The following ARHGAP11A variants were observed in gnomAD, a reference collection of about 807,000 sequenced individuals.
ARHGAP11A encodes the protein rho GTPase-activating protein 11A.
Under a neutral mutation model 60.5 loss-of-function variants are expected in ARHGAP11A, and 36 were observed. The ratio of observed to expected loss-of-function variants is 0.59; its 90% CI spans 0.46 to 0.79. ARHGAP11A has a LOEUF of 0.79. ARHGAP11A is among the 30% of genes least tolerant of loss of function. ARHGAP11A has a pLI of 0.00. For synonymous variants in ARHGAP11A, 362 were observed against 415.5 expected (o/e 0.87, Z 1.57); for missense variants, 1,071 against 1,199.2 (o/e 0.89, Z 1.58).
rs1455237998 is a variant in ARHGAP11A, at chr15:32,619,685, T to G, written c.130-423T>G. The stretch of plus-strand genomic sequence containing the variant: ...TTTTCAATTGACTTAGTCTTTTGTG[T>G]AAGTATTTATAAGGTGACCAAAAGA... On this transcript the variant is annotated intron_variant, in intron 1 of 11. Transcript: ENST00000361627. 2.6e-5 allele frequency among the ~76,000 whole-genome samples: 4 copies of G among 152,224 alleles called. No individual in the cohort carries two copies. In the South Asian group the frequency reaches 6.2e-4, roughly 24 times the overall value.
intron 8 of ARHGAP11A, 152 bp downstream of exon 8, chr15:32,629,914 CT>C: frequency 1.7e-6 from 1 of 588,414 alleles, no homozygotes; most frequent in Non-Finnish European, 2.8e-6. Context: ...AACCCCCTGC[CT>C]TTTAAAATAG....
chr15:32,625,565 A>C lies in ARHGAP11A; in HGVS notation c.794A>C (p.Glu265Ala), dbSNP rs1400087909. 6.2e-7 allele frequency: 1 copy of C among 1,613,870 alleles called. No individual in the cohort carries two copies. The highest frequency in any genetic ancestry group is 1.1e-5 in the South Asian group (1 of 91,064). The stretch of plus-strand genomic sequence containing the variant: ...GGTCTCTGTGCTACTCCATCACTGG[A>C]AGGCTTTGAAGAAGGTGAATATGAA... ...IDGLCATPSL[E>A]GFEEGEYETP... The change falls in exon 6 of 12, where the codon GAA becomes GCA. Residue 265 changes from glutamate to alanine, a missense_variant. Physicochemically the swap from Glu to Ala is moderately radical, Grantham distance 107. Transcript: ENST00000361627.
chr15:32,634,021 G>A lies in ARHGAP11A; in HGVS notation c.1324G>A (p.Gly442Arg), dbSNP rs1383920241. 6.2e-7 allele frequency: 1 copy of A among 1,604,472 alleles called. No homozygotes were observed. The highest frequency in any genetic ancestry group is 1.3e-5 in the African/African-American group (1 of 74,476). Residue 442 changes from glycine (G) to arginine (R), a missense_variant, in exon 10 of 12, where the codon GGG becomes AGG. Gly to Arg is a moderately radical substitution (Grantham distance 125). Coordinates refer to ENST00000361627, the MANE Select transcript of ARHGAP11A (RefSeq NM_014783.6). Reference protein sequence around the residue: ...RRSLRLKFNLGKNGREVNGCS... With the variant: ...RRSLRLKFNLRKNGREVNGCS... Reference sequence around the variant, plus strand: ...ATCTCTGCGTTTGAAATTCAATCTAGGGAAAAATGGCAGAGAAGTAGTAAG... The same window carrying A: ...ATCTCTGCGTTTGAAATTCAATCTAAGGAAAAATGGCAGAGAAGTAGTAAG...
chr15:32,632,229 A>T (rs1252658831), intron 8 of ARHGAP11A, among the ~76,000 whole-genome samples: 1 of 152,182 alleles, frequency 6.6e-6, no homozygotes, highest in African/African-American at 2.4e-5. Context: ...TGATTCAAAC[A>T]TAAATGTATA....
rs2053720484 is a variant in ARHGAP11A, at chr15:32,636,605, A to G, written c.1832A>G (p.His611Arg). 1 of 1,614,002 alleles carries G rather than the reference A, an allele frequency of 6.2e-7. No individual in the cohort carries two copies. ...TTTTCTGAATCTGGAAGTAATCTTC[A>G]CGCATTGATGAATCAGAGGCAGTCA... ...KAFSESGSNLHALMNQRQSSV... is the reference protein window; with the variant it reads ...KAFSESGSNLRALMNQRQSSV... The change falls in exon 12 of 12, where the codon CAC becomes CGC. Residue 611 changes from histidine to arginine, a missense_variant. Physicochemically the swap from His to Arg is conservative, Grantham distance 29. Transcript: ENST00000361627.
In ARHGAP11A at chr15:32,633,071, A is replaced by C; in HGVS notation, c.1198A>C (p.Arg400=). The change falls in exon 9 of 12, where the codon AGG becomes CGG. Residue 400 remains arginine, a synonymous_variant. Coordinates refer to ENST00000361627, the MANE Select transcript of ARHGAP11A (RefSeq NM_014783.6). ...CCATTTGATCACTGCAGGTGTGCCA[A>C]GGCGAAGTAAAAGAATTGCAGGCAA... ...GNHLITAGVP[R]RSKRIAGKKV... The C allele has an allele frequency of 1.9e-6, 3 of 1,614,140 alleles. No homozygotes were observed. Among genetic ancestry groups the C allele is most frequent in the Non-Finnish European group, 2.5e-6 (3 of 1,179,986 alleles).
At position 32,636,747 on chromosome 15, in the gene ARHGAP11A, T is replaced by G. The variant is rs1241236673; in HGVS notation, c.1974T>G (p.Tyr658Ter). The G allele has an allele frequency of 1.9e-6, 3 of 1,613,578 alleles. No homozygotes were observed. Among genetic ancestry groups the G allele is most frequent in the Non-Finnish European group, 2.5e-6 (3 of 1,179,950 alleles). Residue 658 changes from tyrosine (Y) to a stop codon, truncating the protein, a stop_gained, in exon 12 of 12, where the codon TAT becomes TAG. Coordinates refer to ENST00000361627, the MANE Select transcript of ARHGAP11A (RefSeq NM_014783.6). LOFTEE classifies it low-confidence loss of function (END_TRUNC). ...DLTIVESKEK[Y>*]EHHTGKGEKC... ...CTATAGTAGAATCAAAGGAGAAATA[T>G]GAACACCACACTGGTAAAGGTGAAA...
intron 6 of ARHGAP11A, among the ~76,000 whole-genome samples, chr15:32,628,231 T>C (rs2053510683): frequency 6.6e-6 from 1 of 152,248 alleles, no homozygotes; most frequent in South Asian, 2.1e-4. Context: ...AGGATTGCTC[T>C]AGCATACCTG....
At chr15:32,624,047 TA>T in intron 3 of ARHGAP11A, 125 bp from the exon 4 acceptor site, 2 of 649,532 alleles carry the variant, frequency 3.1e-6, no homozygotes, top group South Asian at 4.2e-5. Flanking sequence ...AGTAGTGACA[TA>T]TATTAAAATA....
At chr15:32,631,505 G>A (rs902028310) in intron 8 of ARHGAP11A, among the ~76,000 whole-genome samples, 3 of 152,056 alleles carry the variant, frequency 2.0e-5, no homozygotes, top group African/African-American at 7.2e-5. Flanking sequence ...TCACCACGTT[G>A]GCCAGGCTGG....
Position 32,620,295 on chromosome 15 carries a change from G to A in ARHGAP11A, c.200+117G>A, listed in dbSNP as rs572175926. Reference sequence around the variant, plus strand: ...AGTCCAGGAGCTTAAGACCAGCCTGGGCAACATGGTGAGACCTTGTCGCAA... The same window carrying A: ...AGTCCAGGAGCTTAAGACCAGCCTGAGCAACATGGTGAGACCTTGTCGCAA... On this transcript the variant is annotated intron_variant, in intron 2 of 11. Coordinates refer to ENST00000361627, the MANE Select transcript of ARHGAP11A (RefSeq NM_014783.6). 2.2e-5 allele frequency: 35 copies of A among 1,563,804 alleles called. No individual in the cohort carries two copies. The South Asian group carries it at 3.6e-4, about 16-fold the overall frequency.
At chr15:32,631,936 A>G (rs988020015) in intron 8 of ARHGAP11A, among the ~76,000 whole-genome samples, 1 of 152,166 alleles carries the variant, frequency 6.6e-6, no homozygotes, top group Non-Finnish European at 1.5e-5. Context: ...CAGCCTCCCA[A>G]AATACTGGGA....
chr15:32,635,663 A>G, intron 10 of ARHGAP11A, 114 bp from the exon 11 acceptor site: 1 of 627,100 alleles, frequency 1.6e-6, no homozygotes, highest in Non-Finnish European at 2.5e-6. Flanking sequence ...TCTCAATTAT[A>G]TATCCCTTTT....
chr15:32,633,166 A>G (rs757433880), intron 9 of ARHGAP11A, 58 bp downstream of exon 9: 47 of 1,570,506 alleles, frequency 3.0e-5, no homozygotes, highest in Non-Finnish European at 3.8e-5. Flanking sequence ...ACACATAATT[A>G]ATAAAATGTT....
chr15:32,636,798 A>C lies in ARHGAP11A; in HGVS notation c.2025A>C (p.Ser675=). The change falls in exon 12 of 12, where the codon TCA becomes TCC. Residue 675 remains serine (S), a synonymous_variant. Transcript: ENST00000361627. The part of the protein sequence containing the change: ...GEKCFSERDF[S]PLQTQTFNRE... ...AATGTTTTTCAGAGAGGGACTTTTC[A>C]CCCCTTCAAACTCAAACATTTAATA... 2 of 1,609,812 alleles carry C rather than the reference A, an allele frequency of 1.2e-6. No homozygotes were observed. The highest frequency in any genetic ancestry group is 1.7e-6 in the Non-Finnish European group (2 of 1,179,060).
chr15:32,617,609 C>T (rs964674260), intron 1 of ARHGAP11A, among the ~76,000 whole-genome samples: 39 of 151,804 alleles, frequency 2.6e-4, no homozygotes, highest in Non-Finnish European at 4.9e-4. Context: ...GTAGCTGGGA[C>T]TACAGGCGCC....
At chr15:32,635,475 ACTGCCC>A (rs2053682611) in intron 10 of ARHGAP11A, among the ~76,000 whole-genome samples, 1 of 152,204 alleles carries the variant, frequency 6.6e-6, no homozygotes, top group African/African-American at 2.4e-5. Flanking sequence ...TAGGTACCCC[ACTGCCC>A]CAACTATTTG....
In ARHGAP11A at chr15:32,616,133, G is replaced by A; in HGVS notation, c.-79G>A. 1 of 1,525,412 alleles carries A rather than the reference G, an allele frequency of 6.6e-7. No homozygotes were observed. Among genetic ancestry groups the A allele is most frequent in the South Asian group, 1.3e-5 (1 of 76,710 alleles). The allele number at this position is 1,525,412 out of a possible 1,614,324, so 94.5% of individuals were successfully genotyped here. A position where few individuals can be genotyped will look rare whatever the true frequency, so the allele number is the denominator to read the frequency against. ...CCGAGCGGAGTTCAAATTTGAGAGC[G>A]TTTGGAAATTGGAAGACTTGGTGGC... On this transcript the variant is annotated 5_prime_UTR_variant, in exon 1 of 12. Coordinates refer to ENST00000361627, the MANE Select transcript of ARHGAP11A (RefSeq NM_014783.6).
At chr15:32,635,680 A>C (rs2053688683) in intron 10 of ARHGAP11A, 97 bp from the exon 11 acceptor site, 9 of 807,054 alleles carry the variant, frequency 1.1e-5, no homozygotes, top group Non-Finnish European at 1.6e-5. Context: ...TTTTTAAATC[A>C]GCTAAAGATT....
Sources: gnomAD v4.1 joint callset for allele counts (sites outside exome capture counted in the v4.1 genomes callset) on GRCh38, gnomAD v4.1.1 for gene constraint, MANE v1.5 for transcripts, NCBI Gene and HGNC (gene_info 2026-07-23, HGNC 2026-07-21) for gene names.